GABBR2: variants seen among roughly 807,000 people sequenced by gnomAD.
The protein encoded by GABBR2 is G-protein coupled receptor 51.
A neutral mutation model predicts 105.6 loss-of-function variants in GABBR2; 23 were observed. The ratio of observed to expected loss-of-function variants is 0.22; its 90% CI spans 0.16 to 0.31. GABBR2 has a LOEUF of 0.31. GABBR2 is among the 10% of genes least tolerant of loss of function. The pLI is 1.00. For missense variants in GABBR2, 734 were observed against 1,245.5 expected, an observed-to-expected ratio of 0.59 and a Z score of 6.18; for synonymous variants, 478 against 499.7, an observed-to-expected ratio of 0.96 and a Z score of 0.58.
In GABBR2 at chr9:98,306,106, G is replaced by C; in HGVS notation, c.2229+15C>G. The C allele has an allele frequency of 6.3e-7, 1 of 1,593,894 alleles. No individual in the cohort carries two copies. Among genetic ancestry groups the C allele is most frequent in the Non-Finnish European group, 8.6e-7 (1 of 1,162,546 alleles). On this transcript the variant is annotated intron_variant, in intron 15 of 18. Coordinates refer to ENST00000259455, the MANE Select transcript of GABBR2 (RefSeq NM_005458.8). The surrounding 1 kb of genome is among the most constrained non-coding windows in gnomAD (Gnocchi z 5.4). Reference sequence around the variant, plus strand: ...TCAGAGGGCAGAGGCCAGGTGGTGGGGCCAGCGCCTGTACCTTCGGCACGA... The same window carrying C: ...TCAGAGGGCAGAGGCCAGGTGGTGGCGCCAGCGCCTGTACCTTCGGCACGA...
chr9:98,476,130 A>G (rs765589132), intron 5 of GABBR2, among the ~76,000 whole-genome samples: 1 of 152,160 alleles, frequency 6.6e-6, no homozygotes, highest in Non-Finnish European at 1.5e-5. Flanking sequence ...ATCAGACACA[A>G]AGGCAGATTT....
chr9:98,343,489 C>T (rs146002952), intron 13 of GABBR2, among the ~76,000 whole-genome samples: 88 of 152,262 alleles, frequency 5.8e-4, no homozygotes, highest in African/African-American at 1.9e-3. Context: ...ATGAACAACC[C>T]TCCACCTAGG....
At chr9:98,407,035 G>A (rs544682798) in intron 7 of GABBR2, among the ~76,000 whole-genome samples, 2 of 152,330 alleles carry the variant, frequency 1.3e-5, no homozygotes, top group Admixed American at 1.3e-4. Flanking sequence ...GTCACTGTAA[G>A]TGAGGCTGCT....
At chr9:98,623,775 G>A (rs1299757329) in intron 1 of GABBR2, among the ~76,000 whole-genome samples, 2 of 152,136 alleles carry the variant, frequency 1.3e-5, no homozygotes, top group East Asian at 3.9e-4. Flanking sequence ...GACCCACCTG[G>A]ATAATCCAGG....
Position 98,463,281 on chromosome 9 carries a change from T to C in GABBR2, c.1000-9064A>G, listed in dbSNP as rs78507125. Among the ~76,000 whole-genome samples, 811 of 152,306 alleles carry C rather than the reference T, an allele frequency of 5.3e-3. 13 individuals are homozygous for C. The highest frequency in any genetic ancestry group is 0.018 in the African/African-American group (767 of 41,554). On this transcript the variant is annotated intron_variant, in intron 6 of 18. Transcript: ENST00000259455. ...TAAATGCAGGGATATACACAATTCA[T>C]GGATTGGAAGACTTTAATATTAAGA...
chr9:98,607,470 C>A, intron 1 of GABBR2: 2 of 573,220 alleles, frequency 3.5e-6, no homozygotes, highest in Middle Eastern at 4.7e-4. Context: ...GAAAGAAACC[C>A]AAGAACATAA....
chr9:98,344,978 C>T (rs937157669), intron 13 of GABBR2, among the ~76,000 whole-genome samples: 5 of 152,138 alleles, frequency 3.3e-5, no homozygotes, highest in African/African-American at 9.7e-5. Context: ...CATGTTGCCT[C>T]CCAAGCCCAT....
chr9:98,299,270 T>G lies in GABBR2; in HGVS notation c.2496A>C (p.Gln832His). 2 of 1,614,150 alleles carry G rather than the reference T, an allele frequency of 1.2e-6. No homozygotes were observed. Among genetic ancestry groups the G allele is most frequent in the South Asian group, 2.2e-5 (2 of 91,084 alleles). Reference sequence around the variant, plus strand: ...CCAGGTTGAGGATGTCATTGAGCTCTTGGTAGTGGTTCTGTTTAATGTAGG... The same window carrying G: ...CCAGGTTGAGGATGTCATTGAGCTCGTGGTAGTGGTTCTGTTTAATGTAGG... ...KTTYIKQNHY[Q>H]ELNDILNLGN... The change falls in exon 17 of 19, where the codon CAA (glutamine) becomes CAC (histidine). Residue 832 changes from glutamine (Q) to histidine (H), a missense_variant. Transcript: ENST00000259455.
chr9:98,376,540 A>G (rs1044094697), intron 11 of GABBR2, among the ~76,000 whole-genome samples: 1 of 151,650 alleles, frequency 6.6e-6, no homozygotes, highest in African/African-American at 2.4e-5. Flanking sequence ...AAACTCCCAG[A>G]GCGCCCCAAA....
chr9:98,294,461 G>A (rs1368014230), intron 17 of GABBR2, among the ~76,000 whole-genome samples: 3 of 151,378 alleles, frequency 2.0e-5, no homozygotes, highest in Non-Finnish European at 4.4e-5. Flanking sequence ...TTAAGGATCT[G>A]TGCAAAGATA....
chr9:98,620,970 T>G (rs921475581), intron 1 of GABBR2, among the ~76,000 whole-genome samples: 3 of 152,116 alleles, frequency 2.0e-5, no homozygotes, highest in African/African-American at 7.2e-5. Context: ...TGTGAAACAC[T>G]AGGCACAACG....
At chr9:98,395,443 T>C (rs1209436467) in intron 8 of GABBR2, among the ~76,000 whole-genome samples, 1 of 151,730 alleles carries the variant, frequency 6.6e-6, no homozygotes, top group Non-Finnish European at 1.5e-5. Context: ...GTCATCGGCA[T>C]GGAAGATGGG....
At chr9:98,436,233 C>A (rs1825900111) in intron 7 of GABBR2, among the ~76,000 whole-genome samples, 1 of 135,466 alleles carries the variant, frequency 7.4e-6, no homozygotes, top group South Asian at 2.5e-4. Flanking sequence ...TAGTTAATTT[C>A]TTCACTGTCA....
chr9:98,595,418 T>C (rs564292453), intron 1 of GABBR2, among the ~76,000 whole-genome samples: 3 of 151,104 alleles, frequency 2.0e-5, no homozygotes, highest in African/African-American at 2.4e-5. Flanking sequence ...GGAGAGCATA[T>C]GATGAAAGGG....
intron 3 of GABBR2, among the ~76,000 whole-genome samples, chr9:98,524,797 A>G (rs568650965): frequency 4.6e-5 from 7 of 151,904 alleles, no homozygotes; most frequent in Non-Finnish European, 7.4e-5. Context: ...ACTTTTAAAA[A>G]CCTAAGTCAG....
At chr9:98,680,346 T>C (rs1830527935) in intron 1 of GABBR2, among the ~76,000 whole-genome samples, 4 of 152,104 alleles carry the variant, frequency 2.6e-5, no homozygotes, top group Admixed American at 2.6e-4. Context: ...CGCTCTGTCA[T>C]CCAGGCTGGA....
chr9:98,538,963 A>G (rs901871359), intron 3 of GABBR2, among the ~76,000 whole-genome samples: 8 of 152,248 alleles, frequency 5.3e-5, no homozygotes, highest in African/African-American at 1.9e-4. Context: ...AGCAAGCAGC[A>G]TCCTGTCCTC....
At chr9:98,363,807 C>T (rs577006495) in intron 12 of GABBR2, among the ~76,000 whole-genome samples, 11 of 152,292 alleles carry the variant, frequency 7.2e-5, no homozygotes, top group Non-Finnish European at 1.2e-4. Flanking sequence ...CCCCACTTTA[C>T]GTCTGTTTGA....
chr9:98,445,160 C>A (rs1826104162), intron 7 of GABBR2, among the ~76,000 whole-genome samples: 2 of 152,306 alleles, frequency 1.3e-5, no homozygotes, highest in African/African-American at 4.8e-5. Flanking sequence ...GAGCTTCTAC[C>A]AGGCATAAAG....
Sources: allele counts gnomAD v4.1 joint callset (sites outside exome capture counted in the v4.1 genomes callset), GRCh38; gene constraint gnomAD v4.1.1; non-coding constraint Gnocchi (gnomAD v3.1); transcripts MANE v1.5; gene names NCBI Gene and HGNC (gene_info 2026-07-23, HGNC 2026-07-21).